Variants in SHROOM3 observed in about 807,000 individuals in gnomAD.
SHROOM3 encodes the protein protein Shroom3.
A neutral mutation model predicts 138.6 loss-of-function variants in SHROOM3; 47 were observed. The observed-to-expected ratio is 0.34, with a 90% CI of 0.27 to 0.43. SHROOM3 has a LOEUF of 0.43. Ranked by LOEUF, SHROOM3 falls within the 20% of genes least tolerant of loss-of-function variation. SHROOM3 has a pLI of 1.00. For synonymous variants in SHROOM3, 1,062 were observed against 1,063.3 expected (o/e 1.00, Z 0.02); for missense variants, 2,491 against 2,596.5 (o/e 0.96, Z 0.88).
At chr4:76,722,836 A>G (rs1191240332) in intron 3 of SHROOM3, among the ~76,000 whole-genome samples, 1 of 152,082 alleles carries the variant, frequency 6.6e-6, no homozygotes, top group Non-Finnish European at 1.5e-5. Context: ...GAACTTTCTT[A>G]TGATGGACTT....
At chr4:76,581,556 T>G (rs151181586) in intron 2 of SHROOM3, among the ~76,000 whole-genome samples, 77 of 152,298 alleles carry the variant, frequency 5.1e-4, no homozygotes, top group African/African-American at 1.8e-3. Flanking sequence ...ATTGTTAAAG[T>G]TACGGTGTCA....
At chr4:76,593,821 C>T (rs1045718907) in intron 2 of SHROOM3, among the ~76,000 whole-genome samples, 1 of 152,086 alleles carries the variant, frequency 6.6e-6, no homozygotes, top group African/African-American at 2.4e-5. Flanking sequence ...CTAGTGGAGT[C>T]ATTTTCTTGC....
intron 9 of SHROOM3, among the ~76,000 whole-genome samples, chr4:76,768,850 A>G (rs2109789973): frequency 6.6e-6 from 1 of 152,214 alleles, no homozygotes; most frequent in African/African-American, 2.4e-5. Flanking sequence ...AGCCTCTAGG[A>G]TTAGGCAGAT....
rs914534466 is a variant in SHROOM3 at position 76,627,016 on chromosome 4, G to A, written c.323+71253G>A. Among the ~76,000 whole-genome samples the A allele has an allele frequency of 1.1e-3, 163 of 152,124 alleles. 1 individual carries two copies. Among genetic ancestry groups the A allele is most frequent in the Non-Finnish European group, 7.6e-4 (52 of 68,008 alleles). ...TCCAAACTGTTGGGAGTCTTCCTAT[G>A]TCCAAATGATTAGGAATTGCCAAAC... On this transcript the variant is annotated intron_variant, in intron 2 of 10. Coordinates refer to ENST00000296043, the MANE Select transcript of SHROOM3 (RefSeq NM_020859.4).
chr4:76,491,603 G>A (rs1278911053), intron 1 of SHROOM3, among the ~76,000 whole-genome samples: 2 of 152,156 alleles, frequency 1.3e-5, no homozygotes, highest in Non-Finnish European at 1.5e-5. Context: ...GATGTCATGC[G>A]AGGAGCTGCT....
intron 4 of SHROOM3, among the ~76,000 whole-genome samples, chr4:76,735,871 ATATATAT>A (rs1721054046): frequency 2.1e-4 from 4 of 18,846 alleles, no homozygotes; most frequent in East Asian, 1.4e-3. Context: ...AAAAAAAAAT[ATATATAT>A]ATATATATAT....
At chr4:76,586,352 C>G in intron 2 of SHROOM3, 1 of 985,732 alleles carries the variant, frequency 1.0e-6, no homozygotes, top group Non-Finnish European at 1.2e-6. Context: ...TCTAGGCCAC[C>G]TCCCCCAAGC....
Position 76,740,618 on chromosome 4 carries a change from C to T in SHROOM3, c.2445C>T (p.Val815=). Residue 815 remains valine, a synonymous_variant, in exon 5 of 11, where the codon GTC becomes GTT. Transcript: ENST00000296043. The surrounding 1 kb of genome is among the most constrained non-coding windows in gnomAD (Gnocchi z 4.0). ...ATAACTATAGGCCCCACAGGACCGT[C>T]TCAACTTCCAGTACTTCTGGGAATG... The part of the protein sequence containing the change: ...FGHNYRPHRT[V]STSSTSGNDF... 1 of 1,614,214 alleles carries T rather than the reference C, an allele frequency of 6.2e-7. No individual in the cohort carries two copies. Among genetic ancestry groups the T allele is most frequent in the Non-Finnish European group, 8.5e-7 (1 of 1,180,036 alleles).
At chr4:76,481,562 T>C (rs1731610895) in intron 1 of SHROOM3, among the ~76,000 whole-genome samples, 1 of 149,164 alleles carries the variant, frequency 6.7e-6, no homozygotes, top group Non-Finnish European at 1.5e-5. Context: ...CTACCAGAGG[T>C]ACAAAGAGGA....
intron 2 of SHROOM3, among the ~76,000 whole-genome samples, chr4:76,580,263 G>C (rs982346938): frequency 6.6e-6 from 1 of 152,172 alleles, no homozygotes; most frequent in Admixed American, 6.6e-5. Context: ...CCTCACTAAG[G>C]AGAATTCTGC....
chr4:76,676,813 G>C (rs1402490221), intron 2 of SHROOM3, among the ~76,000 whole-genome samples: 1 of 151,858 alleles, frequency 6.6e-6, no homozygotes, highest in Non-Finnish European at 1.5e-5. Flanking sequence ...CATGATGGCC[G>C]GCGCCTGTAG....
At chr4:76,581,905 T>C (rs1734060405) in intron 2 of SHROOM3, among the ~76,000 whole-genome samples, 3 of 152,198 alleles carry the variant, frequency 2.0e-5, no homozygotes, top group South Asian at 2.1e-4. Flanking sequence ...ACCCTCACCA[T>C]TGAGATTTAT....
Position 76,717,757 on chromosome 4 carries a change from G to A in SHROOM3, c.455+7470G>A, listed in dbSNP as rs371710757. ...AAAAAAGAAGACAAAAGGAACCCAT[G>A]TGTATATTCTAAATTTCAAAGAAAA... On this transcript the variant is annotated intron_variant, in intron 3 of 10. Coordinates refer to ENST00000296043, the MANE Select transcript of SHROOM3 (RefSeq NM_020859.4). 1.8e-4 allele frequency among the ~76,000 whole-genome samples: 27 copies of A among 152,040 alleles called. No individual in the cohort carries two copies. The East Asian group carries it at 2.5e-3, about 14-fold the overall frequency.
intron 2 of SHROOM3, among the ~76,000 whole-genome samples, chr4:76,633,995 A>G (rs905901137): frequency 6.6e-6 from 1 of 152,088 alleles, no homozygotes; most frequent in Non-Finnish European, 1.5e-5. Context: ...ATCCTGGAGA[A>G]CCCTTCTTAA....
chr4:76,606,380 T>A (rs1020562104), intron 2 of SHROOM3, among the ~76,000 whole-genome samples: 2 of 151,962 alleles, frequency 1.3e-5, no homozygotes, highest in African/African-American at 2.4e-5. Flanking sequence ...GTGTGGTGCA[T>A]GTTAGCTACT....
chr4:76,745,492 A>T (rs1451453550), intron 5 of SHROOM3, among the ~76,000 whole-genome samples: 1 of 152,230 alleles, frequency 6.6e-6, no homozygotes, highest in Non-Finnish European at 1.5e-5. Flanking sequence ...TGCTCAATGC[A>T]TGGAACCACA....
rs371392240 is a variant in SHROOM3, at chr4:76,604,369, T to C, written c.323+48606T>C. ...TTATTGTTCCTAATGCATGATAGGA[T>C]CAAAATGCTGTACACAAACAGGTAA... On this transcript the variant is annotated intron_variant, in intron 2 of 10. Coordinates refer to ENST00000296043, the MANE Select transcript of SHROOM3 (RefSeq NM_020859.4). Among the ~76,000 whole-genome samples, 37 of 152,334 alleles carry C rather than the reference T, an allele frequency of 2.4e-4. 1 individual carries two copies. In the East Asian group the frequency reaches 4.6e-3, roughly 19 times the overall value.
chr4:76,584,755 G>A (rs1734119067), intron 2 of SHROOM3, among the ~76,000 whole-genome samples: 1 of 152,194 alleles, frequency 6.6e-6, no homozygotes, highest in Non-Finnish European at 1.5e-5. Flanking sequence ...AGTAGCCTAT[G>A]ATGGAAGGAA....
chr4:76,547,162 TG>T (rs1733238466), intron 1 of SHROOM3, among the ~76,000 whole-genome samples: 2 of 152,108 alleles, frequency 1.3e-5, no homozygotes, highest in Admixed American at 1.3e-4. Context: ...CAGTGTTGAG[TG>T]TCAGGTTTCT....
Sources: gnomAD v4.1 joint callset for allele counts (sites outside exome capture counted in the v4.1 genomes callset) on GRCh38, gnomAD v4.1.1 for gene constraint, Gnocchi (gnomAD v3.1) non-coding constraint, MANE v1.5 for transcripts, NCBI Gene and HGNC (gene_info 2026-07-23, HGNC 2026-07-21) for gene names.